Variants in PTPRQ observed in about 807,000 individuals in gnomAD.
PTPRQ encodes the protein protein tyrosine phosphatase receptor type Q, also known as phosphatidylinositol phosphatase PTPRQ.
A neutral mutation model predicts 246.0 loss-of-function variants in PTPRQ; 199 were observed. The observed-to-expected ratio is 0.81, with a 90% CI of 0.72 to 0.91. The LOEUF (loss-of-function observed/expected upper bound fraction) is 0.91. Ranked by LOEUF, PTPRQ falls within the 40% of genes least tolerant of loss-of-function variation. PTPRQ has a pLI of 0.00. For synonymous variants in PTPRQ, 869 were observed against 853.2 expected (o/e 1.02, Z -0.32); for missense variants, 2,624 against 2,528.4 (o/e 1.04, Z -0.81).
intron 17 of PTPRQ, among the ~76,000 whole-genome samples, chr12:80,514,148 TCTCA>T (rs1895207014): frequency 6.6e-6 from 1 of 152,098 alleles, no homozygotes; most frequent in African/African-American, 2.4e-5. Flanking sequence ...CTTTTATTTC[TCTCA>T]CTCTTTTTTC....
intron 25 of PTPRQ, among the ~76,000 whole-genome samples, chr12:80,585,822 C>T (rs978237743): frequency 1.1e-4 from 17 of 150,040 alleles, no homozygotes; most frequent in Admixed American, 2.6e-4. Context: ...CATGCTGGTG[C>T]GCTGCACCCA....
chr12:80,658,137 A>C (rs1900504886), intron 39 of PTPRQ, 76 bp downstream of exon 39: 2 of 945,428 alleles, frequency 2.1e-6, no homozygotes, highest in Middle Eastern at 3.7e-4. Flanking sequence ...CCAATTACTT[A>C]AAACAACAAA....
rs1232154495 is a variant in PTPRQ at position 80,534,048 on chromosome 12, T to C, written c.2712T>C (p.Thr904=). Residue 904 remains threonine, a synonymous_variant, in exon 18 of 45, where the codon ACT becomes ACC. Transcript: ENST00000644991. ...CATCATTAAAAACTATTAATGTCAC[T>C]GAAACATCATTGGAGTTATCAGATT... ...NRSSLKTINV[T]ETSLELSDLD... The C allele has an allele frequency of 2.0e-6, 3 of 1,529,238 alleles. No individual in the cohort carries two copies. The highest frequency in any genetic ancestry group is 1.3e-5 in the South Asian group (1 of 77,952). The allele number at this position is 1,529,238 out of a possible 1,614,324, so 94.7% of individuals were successfully genotyped here.
intron 35 of PTPRQ, among the ~76,000 whole-genome samples, chr12:80,648,408 A>T (rs1197335733): frequency 1.4e-5 from 2 of 146,744 alleles, no homozygotes; most frequent in African/African-American, 5.5e-5. Flanking sequence ...AATAATGGAA[A>T]TAGTTATAAT....
At chr12:80,616,441 T>A (rs1898765198) in intron 30 of PTPRQ, among the ~76,000 whole-genome samples, 175 bp downstream of exon 30, 1 of 151,026 alleles carries the variant, frequency 6.6e-6, no homozygotes, top group Admixed American at 6.6e-5. Context: ...GTTTAAATGA[T>A]GATGTGAATT....
At chr12:80,550,533 G>C (rs1471222410) in intron 25 of PTPRQ, among the ~76,000 whole-genome samples, 2 of 151,994 alleles carry the variant, frequency 1.3e-5, no homozygotes, top group Non-Finnish European at 2.9e-5. Context: ...CATTTTTTCA[G>C]ACTACGGTGT....
chr12:80,453,008 A>G (rs1055799478), intron 3 of PTPRQ, among the ~76,000 whole-genome samples: 2 of 152,128 alleles, frequency 1.3e-5, no homozygotes, highest in African/African-American at 4.8e-5. Flanking sequence ...TATACCAATC[A>G]TACGTAGATT....
intron 26 of PTPRQ, among the ~76,000 whole-genome samples, chr12:80,590,494 C>T (rs1358077878): frequency 1.3e-5 from 2 of 151,656 alleles, no homozygotes; most frequent in Admixed American, 6.6e-5. Flanking sequence ...GGTGAAACCC[C>T]GTCTCTACTA....
At chr12:80,481,612 A>G (rs918443635) in intron 8 of PTPRQ, among the ~76,000 whole-genome samples, 2 of 152,146 alleles carry the variant, frequency 1.3e-5, no homozygotes, top group African/African-American at 4.8e-5. Context: ...ACATGATTGT[A>G]TATCTAGAAA....
chr12:80,588,031 T>A, intron 25 of PTPRQ, 98 bp from the exon 26 acceptor site: 2 of 1,255,676 alleles, frequency 1.6e-6, no homozygotes, highest in Non-Finnish European at 2.1e-6. Flanking sequence ...ATTTGACAGA[T>A]CTCTACTAGC....
intron 6 of PTPRQ, among the ~76,000 whole-genome samples, chr12:80,467,093 T>G (rs1167677105): frequency 1.3e-5 from 2 of 152,286 alleles, no homozygotes; most frequent in East Asian, 1.9e-4. Flanking sequence ...GGAGAAAATT[T>G]TCACAACCTA....
intron 8 of PTPRQ, among the ~76,000 whole-genome samples, chr12:80,480,223 T>A (rs1592560948): frequency 6.6e-6 from 1 of 152,190 alleles, no homozygotes; most frequent in African/African-American, 2.4e-5. Flanking sequence ...AGAATCTCAC[T>A]CAAAACTGCT....
At chr12:80,604,336 T>A (rs961770902) in intron 26 of PTPRQ, among the ~76,000 whole-genome samples, 4 of 151,568 alleles carry the variant, frequency 2.6e-5, no homozygotes, top group Admixed American at 2.0e-4. Flanking sequence ...TCTCTCCTAA[T>A]TCCCAGTGGC....
intron 35 of PTPRQ, among the ~76,000 whole-genome samples, chr12:80,640,227 T>G (rs1228315567): frequency 6.6e-6 from 1 of 152,192 alleles, no homozygotes; most frequent in African/African-American, 2.4e-5. Context: ...AGCAAAGAAG[T>G]GATGGCATTT....
At chr12:80,663,009 G>C (rs1435289296) in intron 39 of PTPRQ, among the ~76,000 whole-genome samples, 1 of 151,762 alleles carries the variant, frequency 6.6e-6, no homozygotes, top group Non-Finnish European at 1.5e-5. Context: ...CATTTTACCT[G>C]GTGCTTTACC....
chr12:80,482,724 C>A (rs1161110523), intron 8 of PTPRQ, among the ~76,000 whole-genome samples: 2 of 151,412 alleles, frequency 1.3e-5, no homozygotes, highest in Admixed American at 1.3e-4. Flanking sequence ...AGGACATGAA[C>A]AGACACTTCT....
At chr12:80,468,059 T>G (rs985176004) in intron 6 of PTPRQ, among the ~76,000 whole-genome samples, 1 of 152,058 alleles carries the variant, frequency 6.6e-6, no homozygotes, top group Non-Finnish European at 1.5e-5. Context: ...CAAGGTGAAA[T>G]TTGCTAGACA....
At chr12:80,563,317 G>A (rs897503053) in intron 25 of PTPRQ, among the ~76,000 whole-genome samples, 8 of 151,988 alleles carry the variant, frequency 5.3e-5, no homozygotes, top group Admixed American at 5.2e-4. Context: ...AAAGGGATGA[G>A]GCAGCACTCT....
chr12:80,513,715 C>A (rs1419069593), intron 17 of PTPRQ, among the ~76,000 whole-genome samples: 1 of 152,112 alleles, frequency 6.6e-6, no homozygotes, highest in East Asian at 1.9e-4. Context: ...GTCACCTGAC[C>A]TTTTTATGGA....
Sources: allele counts gnomAD v4.1 joint callset (sites outside exome capture counted in the v4.1 genomes callset), GRCh38; gene constraint gnomAD v4.1.1; transcripts MANE v1.5; gene names NCBI Gene and HGNC (gene_info 2026-07-23, HGNC 2026-07-21).